Variants in CFAP299 observed in about 807,000 individuals in gnomAD.
CFAP299 encodes the protein cilia and flagella associated protein 299, also known as cilia- and flagella-associated protein 299.
In CFAP299, 21 loss-of-function variants were observed where a neutral mutation model predicts 27.0. The ratio of observed to expected loss-of-function variants is 0.78; its 90% CI spans 0.55 to 1.12. The LOEUF (loss-of-function observed/expected upper bound fraction) is 1.12. CFAP299 is among the 50% of genes most tolerant of loss of function. The pLI, the probability that CFAP299 is intolerant of heterozygous loss-of-function variation, is 0.00. For missense variants in CFAP299, 310 were observed against 276.6 expected, an observed-to-expected ratio of 1.12 and a Z score of -0.86; for synonymous variants, 104 against 98.1, an observed-to-expected ratio of 1.06 and a Z score of -0.36.
rs141830580 is a variant in CFAP299, at chr4:80,655,655, A to G, written c.333+72472A>G. Among the ~76,000 whole-genome samples, 365 of 152,288 alleles carry G rather than the reference A, an allele frequency of 2.4e-3. 1 individual carries two copies. The highest frequency in any genetic ancestry group is 8.3e-3 in the African/African-American group (347 of 41,572). On this transcript the variant is annotated intron_variant, in intron 3 of 5. Coordinates refer to ENST00000358105, the MANE Select transcript of CFAP299 (RefSeq NM_152770.3). ...ATTCTATTTTCTTAAAATATTTGAA[A>G]CAGTGAGTAGACACTTCAACTTGAA...
chr4:80,931,327 T>C (rs1736605729), intron 4 of CFAP299, among the ~76,000 whole-genome samples: 1 of 152,060 alleles, frequency 6.6e-6, no homozygotes, highest in Non-Finnish European at 1.5e-5. Context: ...CCTCCAAAGA[T>C]CCTTATTTAC....
At chr4:80,386,054 G>A in intron 2 of CFAP299, 1 of 435,332 alleles carries the variant, frequency 2.3e-6, no homozygotes, top group Non-Finnish European at 4.1e-6. Context: ...ATGACATTCA[G>A]AAGGATTTCT....
At chr4:80,822,018 G>A (rs547152803) in intron 3 of CFAP299, among the ~76,000 whole-genome samples, 1 of 152,202 alleles carries the variant, frequency 6.6e-6, no homozygotes, top group Admixed American at 6.5e-5. Flanking sequence ...AGCAATGTGT[G>A]AAAAGGCCTC....
intron 3 of CFAP299, among the ~76,000 whole-genome samples, chr4:80,639,504 G>A (rs1284376997): frequency 3.3e-5 from 5 of 152,140 alleles, no homozygotes; most frequent in Admixed American, 3.3e-4. Flanking sequence ...ATTATTGACA[G>A]TTTTAAGACA....
chr4:80,324,283 A>G, the CFAP299 span, among the ~76,000 whole-genome samples: 1 of 152,226 alleles, frequency 6.6e-6, no homozygotes, highest in Non-Finnish European at 1.5e-5. Flanking sequence ...TTCCACTGGG[A>G]AACATTATGA....
At chr4:80,517,309 TG>T (rs1732637838) in intron 2 of CFAP299, among the ~76,000 whole-genome samples, 1 of 152,164 alleles carries the variant, frequency 6.6e-6, no homozygotes, top group African/African-American at 2.4e-5. Flanking sequence ...GAACTGAGCA[TG>T]TTGAAATGCT....
chr4:80,799,472 T>A (rs1247038193), intron 3 of CFAP299, among the ~76,000 whole-genome samples: 1 of 83,858 alleles, frequency 1.2e-5, no homozygotes, highest in Non-Finnish European at 2.0e-5. Flanking sequence ...ATTTTATAAA[T>A]ATATATTTAT....
At chr4:80,919,382 T>C (rs1468672715) in intron 4 of CFAP299, among the ~76,000 whole-genome samples, 1 of 152,208 alleles carries the variant, frequency 6.6e-6, no homozygotes, top group African/African-American at 2.4e-5. Context: ...TTCAAGGATT[T>C]AGCCTCTGGT....
chr4:80,396,522 T>G (rs570555003), intron 2 of CFAP299, among the ~76,000 whole-genome samples: 1 of 152,214 alleles, frequency 6.6e-6, no homozygotes, highest in African/African-American at 2.4e-5. Context: ...ATGGGGAATA[T>G]ACAATGAATT....
chr4:80,584,220 C>G (rs1257388061), intron 3 of CFAP299, among the ~76,000 whole-genome samples: 1 of 151,902 alleles, frequency 6.6e-6, no homozygotes, highest in African/African-American at 2.4e-5. Context: ...AATATATGAG[C>G]TATTACGAAT....
chr4:80,371,743 A>G (rs986092196), intron 2 of CFAP299, among the ~76,000 whole-genome samples: 1 of 152,196 alleles, frequency 6.6e-6, no homozygotes, highest in African/African-American at 2.4e-5. Flanking sequence ...GCCTCTTTCA[A>G]TCTGAGACCA....
intron 3 of CFAP299, among the ~76,000 whole-genome samples, chr4:80,713,793 A>T (rs1722312270): frequency 6.6e-6 from 1 of 152,234 alleles, no homozygotes; most frequent in South Asian, 2.1e-4. Flanking sequence ...TTTACACAAA[A>T]TAATAAAGTA....
rs542365687 is a variant in CFAP299 at position 80,879,330 on chromosome 4, A to T, written c.476+9195A>T. 5.3e-5 allele frequency among the ~76,000 whole-genome samples: 8 copies of T among 152,264 alleles called. No individual in the cohort carries two copies. The East Asian group carries it at 1.5e-3, about 29-fold the overall frequency. The stretch of plus-strand genomic sequence containing the variant: ...AGATGCTTAAGTACAAACCCCACAA[A>T]TGAAGAGAGAAATAATTAGCTTGCT... On this transcript the variant is annotated intron_variant, in intron 4 of 5. Transcript: ENST00000358105.
At chr4:80,396,459 A>T (rs1036797950) in intron 2 of CFAP299, among the ~76,000 whole-genome samples, 4 of 152,128 alleles carry the variant, frequency 2.6e-5, no homozygotes, top group African/African-American at 9.7e-5. Flanking sequence ...TCAGTTACTG[A>T]GTTCTAAACA....
intron 3 of CFAP299, among the ~76,000 whole-genome samples, chr4:80,587,050 T>C (rs1344495493): frequency 1.3e-5 from 2 of 152,178 alleles, no homozygotes; most frequent in Non-Finnish European, 2.9e-5. Flanking sequence ...AAACATAAGA[T>C]TGCGTTGTAT....
intron 3 of CFAP299, among the ~76,000 whole-genome samples, chr4:80,843,928 G>A (rs1000095798): frequency 2.0e-5 from 3 of 149,742 alleles, no homozygotes; most frequent in East Asian, 1.9e-4. Flanking sequence ...AATAGTCCCC[G>A]GTGTGTGATG....
chr4:80,342,533 G>T (rs557349574), intron 1 of CFAP299, among the ~76,000 whole-genome samples: 1 of 152,290 alleles, frequency 6.6e-6, no homozygotes, highest in South Asian at 2.1e-4. Flanking sequence ...TTCAAGAAAA[G>T]AATTTCCAAT....
At chr4:80,362,100 G>T (rs1723575544) in intron 1 of CFAP299, among the ~76,000 whole-genome samples, 1 of 139,584 alleles carries the variant, frequency 7.2e-6, no homozygotes. Flanking sequence ...AAAGTGTAAG[G>T]CCTAAAATAC....
intron 2 of CFAP299, among the ~76,000 whole-genome samples, chr4:80,522,958 C>T (rs1458527495): frequency 1.3e-5 from 2 of 152,000 alleles, no homozygotes; most frequent in Non-Finnish European, 2.9e-5. Context: ...TCTTCTTTCT[C>T]AAGGTTGTTT....
Sources: allele counts gnomAD v4.1 joint callset (sites outside exome capture counted in the v4.1 genomes callset), GRCh38; gene constraint gnomAD v4.1.1; transcripts MANE v1.5; gene names NCBI Gene and HGNC (gene_info 2026-07-23, HGNC 2026-07-21).